WWOX: variants seen among roughly 807,000 people sequenced by gnomAD.
The protein encoded by WWOX is WW domain-containing oxidoreductase.
Under a neutral mutation model 46.2 loss-of-function variants are expected in WWOX, and 69 were observed. The ratio of observed to expected loss-of-function variants is 1.49; its 90% confidence interval spans 1.23 to 1.82. WWOX has a LOEUF of 1.82. WWOX is among the 40% of genes most tolerant of loss of function. The pLI, the probability that WWOX is intolerant of heterozygous loss-of-function variation, is 0.00. For synonymous variants in WWOX, 359 were observed against 202.6 expected (o/e 1.77, Z -6.56); for missense variants, 919 against 542.6 (o/e 1.69, Z -6.89).
Position 78,428,411 on chromosome 16 carries a change from C to A in WWOX, c.791+3356C>A, listed in dbSNP as rs139740017. ...GGACTGTCAGTGCTAGCTAATGAGACTGTAAAAGTGGACTATCTGCCCAGG... is the reference window on the plus strand; with the variant it reads ...GGACTGTCAGTGCTAGCTAATGAGAATGTAAAAGTGGACTATCTGCCCAGG... On this transcript the variant is annotated intron_variant, in intron 7 of 8. Coordinates refer to ENST00000566780, the MANE Select transcript of WWOX (RefSeq NM_016373.4). Among the ~76,000 whole-genome samples the A allele has an allele frequency of 5.0e-3, 768 of 152,302 alleles. 2 individuals carry two copies. The highest frequency in any genetic ancestry group is 7.9e-3 in the Non-Finnish European group (539 of 68,026).
chr16:79,117,082 T>G (rs2049531643), intron 8 of WWOX, among the ~76,000 whole-genome samples: 1 of 152,094 alleles, frequency 6.6e-6, no homozygotes, highest in African/African-American at 2.4e-5. Context: ...GACAGCCTGG[T>G]CTGGAATGCA....
At chr16:78,408,335 A>G (rs1000619656) in intron 6 of WWOX, among the ~76,000 whole-genome samples, 21 of 152,242 alleles carry the variant, frequency 1.4e-4, no homozygotes, top group African/African-American at 4.8e-4. Context: ...AGTAATTAGC[A>G]TGTACCCTCC....
intron 8 of WWOX, among the ~76,000 whole-genome samples, chr16:78,649,710 T>C (rs912582184): frequency 2.0e-4 from 30 of 152,250 alleles, no homozygotes; most frequent in African/African-American, 7.2e-4. Flanking sequence ...TTACTGTTGT[T>C]ATGTTATTAT....
chr16:78,970,652 A>T (rs533383117), intron 8 of WWOX, among the ~76,000 whole-genome samples: 2 of 152,232 alleles, frequency 1.3e-5, no homozygotes, highest in African/African-American at 4.8e-5. Flanking sequence ...TGCCAGAATC[A>T]TGAGAAATTT....
intron 8 of WWOX, among the ~76,000 whole-genome samples, chr16:78,958,147 C>A (rs1044307267): frequency 1.3e-5 from 2 of 152,224 alleles, no homozygotes; most frequent in Non-Finnish European, 2.9e-5. Flanking sequence ...GCTCATCATT[C>A]ACACGGCGAA....
At chr16:79,075,060 A>C (rs2048629158) in intron 8 of WWOX, among the ~76,000 whole-genome samples, 1 of 152,136 alleles carries the variant, frequency 6.6e-6, no homozygotes, top group African/African-American at 2.4e-5. Flanking sequence ...ATCACTATGG[A>C]AGTGCAATAG....
At chr16:78,533,977 A>T (rs149689661) in intron 8 of WWOX, among the ~76,000 whole-genome samples, 2 of 152,312 alleles carry the variant, frequency 1.3e-5, no homozygotes, top group African/African-American at 4.8e-5. Context: ...AGCGTAGGCA[A>T]ATATTCTAGT....
chr16:78,727,905 A>G (rs901857240), intron 8 of WWOX, among the ~76,000 whole-genome samples: 1 of 152,086 alleles, frequency 6.6e-6, no homozygotes, highest in East Asian at 1.9e-4. Context: ...CCAAAATAGC[A>G]TTTGTTTATC....
At chr16:78,980,058 G>A (rs1199525443) in intron 8 of WWOX, among the ~76,000 whole-genome samples, 1 of 152,130 alleles carries the variant, frequency 6.6e-6, no homozygotes, top group African/African-American at 2.4e-5. Context: ...AACTCAGAAG[G>A]CCAAGGTTGT....
chr16:78,110,854 G>C (rs987457443), intron 3 of WWOX, among the ~76,000 whole-genome samples: 19 of 152,284 alleles, frequency 1.2e-4, no homozygotes, highest in African/African-American at 4.3e-4. Context: ...GCCAGGCTTT[G>C]AGCCCAGCAC....
At chr16:78,375,322 G>GGA (rs2081793289) in intron 5 of WWOX, among the ~76,000 whole-genome samples, 2 of 152,232 alleles carry the variant, frequency 1.3e-5, no homozygotes, top group Non-Finnish European at 2.9e-5. Context: ...TGAAGAACCA[G>GGA]GAGAAATGCC....
intron 6 of WWOX, among the ~76,000 whole-genome samples, chr16:78,414,333 CAG>C (rs1190827935): frequency 6.6e-6 from 1 of 152,288 alleles, no homozygotes; most frequent in East Asian, 1.9e-4. Flanking sequence ...ACACGTGTAA[CAG>C]AGGTGGGCAG....
chr16:78,558,794 C>G (rs2044365325), intron 8 of WWOX, among the ~76,000 whole-genome samples: 1 of 152,178 alleles, frequency 6.6e-6, no homozygotes, highest in Non-Finnish European at 1.5e-5. Context: ...CTAGAGTATG[C>G]CTTTTCCTTC....
At chr16:79,128,853 G>A (rs1172052756) in intron 8 of WWOX, among the ~76,000 whole-genome samples, 2 of 152,132 alleles carry the variant, frequency 1.3e-5, no homozygotes, top group African/African-American at 4.8e-5. Flanking sequence ...GAGTATGAAG[G>A]TTGTGATTCA....
intron 8 of WWOX, among the ~76,000 whole-genome samples, chr16:79,174,131 C>T (rs1329271620): frequency 6.6e-6 from 1 of 152,072 alleles, no homozygotes; most frequent in African/African-American, 2.4e-5. Flanking sequence ...GTGAAAGGTC[C>T]TGAGAGGCAG....
chr16:78,988,655 G>T (rs2046827334), intron 8 of WWOX, among the ~76,000 whole-genome samples: 1 of 152,174 alleles, frequency 6.6e-6, no homozygotes, highest in Admixed American at 6.5e-5. Flanking sequence ...TGTTCATATT[G>T]GTCAACTTTT....
intron 8 of WWOX, among the ~76,000 whole-genome samples, chr16:79,062,803 C>A (rs562323017): frequency 6.6e-6 from 1 of 152,132 alleles, no homozygotes; most frequent in African/African-American, 2.4e-5. Flanking sequence ...GTTCTAACAG[C>A]CCCTTGAACA....
chr16:78,730,113 T>C (rs2048934113), intron 8 of WWOX, among the ~76,000 whole-genome samples: 2 of 152,296 alleles, frequency 1.3e-5, no homozygotes, highest in Middle Eastern at 6.8e-3. Context: ...TATAAACGCT[T>C]AAGGATTCCT....
intron 8 of WWOX, among the ~76,000 whole-genome samples, chr16:78,573,955 G>A (rs2044782849): frequency 1.3e-5 from 2 of 152,236 alleles, no homozygotes; most frequent in South Asian, 2.1e-4. Context: ...TCACAAAGTT[G>A]CAATCATATA....
Sources: allele counts gnomAD v4.1 joint callset (sites outside exome capture counted in the v4.1 genomes callset), GRCh38; gene constraint gnomAD v4.1.1; transcripts MANE v1.5; gene names NCBI Gene and HGNC (gene_info 2026-07-23, HGNC 2026-07-21).